INTS9: variants seen among roughly 807,000 people sequenced by gnomAD.
The protein encoded by INTS9 is protein related to CPSF subunits of 74 kDa.
In INTS9, 55 loss-of-function variants were observed where a neutral mutation model predicts 79.7. That is an observed-to-expected ratio of 0.69 (90% CI 0.56 to 0.86). The LOEUF is 0.86. Ranked by LOEUF, INTS9 falls within the 40% of genes least tolerant of loss-of-function variation. INTS9 has a pLI of 0.00. For synonymous variants in INTS9, 319 were observed against 325.2 expected (o/e 0.98, Z 0.20); for missense variants, 721 against 831.5 (o/e 0.87, Z 1.64).
At chr8:28,872,047 T>C (rs1196214476) in intron 1 of INTS9, among the ~76,000 whole-genome samples, 2 of 152,092 alleles carry the variant, frequency 1.3e-5, no homozygotes, top group Non-Finnish European at 2.9e-5. Flanking sequence ...TATACTGACA[T>C]AAAATGCCCA....
chr8:28,814,447 A>G (rs965964134), intron 6 of INTS9, among the ~76,000 whole-genome samples: 3 of 152,190 alleles, frequency 2.0e-5, no homozygotes, highest in African/African-American at 7.2e-5. Flanking sequence ...GGAAAGTTCA[A>G]TGCAAACGTT....
intron 1 of INTS9, among the ~76,000 whole-genome samples, chr8:28,888,447 T>A (rs1339552715): frequency 2.9e-5 from 1 of 33,912 alleles, no homozygotes; most frequent in African/African-American, 9.9e-5. Context: ...ATGGGGAGAC[T>A]GACGCGGCGA....
At chr8:28,857,294 G>A (rs891150001) in intron 2 of INTS9, among the ~76,000 whole-genome samples, 1 of 152,176 alleles carries the variant, frequency 6.6e-6, no homozygotes, top group African/African-American at 2.4e-5. Context: ...AGAAAGAAGG[G>A]TCACAGAGGT....
intron 4 of INTS9, among the ~76,000 whole-genome samples, chr8:28,846,360 TAC>T (rs1024536419): frequency 4.2e-5 from 2 of 47,966 alleles, no homozygotes; most frequent in Non-Finnish European, 9.7e-5. Context: ...CAAGAATTTT[TAC>T]AGTTTACTAG....
intron 1 of INTS9, among the ~76,000 whole-genome samples, chr8:28,879,607 T>A: frequency 1.3e-5 from 2 of 151,994 alleles, no homozygotes; most frequent in Non-Finnish European, 2.9e-5. Flanking sequence ...ATGGAGAAAT[T>A]GGAAATGAAA....
intron 16 of INTS9, 109 bp downstream of exon 16, chr8:28,769,780 G>T: frequency 7.2e-7 from 1 of 1,395,666 alleles, no homozygotes; most frequent in Non-Finnish European, 9.8e-7. Flanking sequence ...GGACAGTGGG[G>T]ACTAAGTGAC....
intron 2 of INTS9, among the ~76,000 whole-genome samples, chr8:28,857,246 T>C (rs1360529687): frequency 6.6e-6 from 1 of 152,152 alleles, no homozygotes; most frequent in East Asian, 1.9e-4. Context: ...CAATACATGA[T>C]GGCCAATTAG....
intron 8 of INTS9, among the ~76,000 whole-genome samples, chr8:28,806,997 G>A (rs566702096): frequency 4.6e-5 from 7 of 152,008 alleles, no homozygotes; most frequent in Non-Finnish European, 8.8e-5. Flanking sequence ...GCAGAACAAA[G>A]GATGAAAATA....
chr8:28,844,601 G>C (rs1042351093), intron 4 of INTS9, among the ~76,000 whole-genome samples: 1 of 152,174 alleles, frequency 6.6e-6, no homozygotes, highest in Admixed American at 6.5e-5. Flanking sequence ...CGAGGCAGGT[G>C]TATCACCTGA....
intron 16 of INTS9, among the ~76,000 whole-genome samples, chr8:28,769,035 T>A (rs28733175): frequency 0.033 from 5,057 of 152,154 alleles, 274 homozygotes; most frequent in African/African-American, 0.11. Context: ...TGAGGCCCAT[T>A]AACAGGGCCC....
chr8:28,790,096 G>C (rs1031555005), intron 10 of INTS9, among the ~76,000 whole-genome samples: 5 of 152,226 alleles, frequency 3.3e-5, no homozygotes, highest in Admixed American at 2.6e-4. Context: ...GTAGAAGCCA[G>C]AGCAGAACCC....
At chr8:28,830,012 C>T (rs1458946348) in intron 6 of INTS9, among the ~76,000 whole-genome samples, 2 of 150,536 alleles carry the variant, frequency 1.3e-5, no homozygotes, top group African/African-American at 2.4e-5. Context: ...CCTGTGATCC[C>T]TACTTTGGAA....
At chr8:28,770,076 G>T (rs761077188) in intron 15 of INTS9, 50 bp from the exon 16 acceptor site, 12 of 1,596,560 alleles carry the variant, frequency 7.5e-6, no homozygotes, top group Non-Finnish European at 1.0e-5. Flanking sequence ...TGAGCAGCAG[G>T]GGCCACCGCA....
At chr8:28,775,117 T>G (rs1433047542) in intron 14 of INTS9, among the ~76,000 whole-genome samples, 2 of 152,176 alleles carry the variant, frequency 1.3e-5, no homozygotes, top group Admixed American at 6.5e-5. Context: ...ATAACTGAGG[T>G]CCAGGAAGGA....
chr8:28,866,232 CTTA>C (rs1336126445), intron 1 of INTS9, among the ~76,000 whole-genome samples: 1 of 152,076 alleles, frequency 6.6e-6, no homozygotes, highest in Non-Finnish European at 1.5e-5. Flanking sequence ...TCTTGGTAGT[CTTA>C]TTATGACTAC....
chr8:28,842,145 T>A (rs1477210935), intron 4 of INTS9, among the ~76,000 whole-genome samples: 1 of 152,162 alleles, frequency 6.6e-6, no homozygotes, highest in Non-Finnish European at 1.5e-5. Flanking sequence ...ACATTTCCTA[T>A]CCATTAAGTG....
Position 28,835,349 on chromosome 8 carries a change from A to G in INTS9, c.431T>C (p.Ile144Thr), listed in dbSNP as rs768891348. Residue 144 changes from isoleucine to threonine, a missense_variant, in exon 6 of 17, where the codon ATT becomes ACT. By Grantham distance (89) the Ile-to-Thr change is moderately conservative (BLOSUM62 -1). Around this residue, in one of 3 missense-constraint regions of INTS9, gnomAD observed 291 missense variants for 307.0 expected, o/e 0.95. Transcript: ENST00000521022. ...AGACTGAGCCTTTGGCACTCTTTCA[A>G]TGAAATTCACCAGCTCTTCCATGAG... ...RLLMEELVNF[I>T]ERVPKAQSAS... 34 of 1,613,690 alleles carry G rather than the reference A, an allele frequency of 2.1e-5. No individual in the cohort carries two copies. The highest frequency in any genetic ancestry group is 2.7e-5 in the African/African-American group (2 of 74,910).
intron 11 of INTS9, chr8:28,784,072 G>A (rs1045081737): frequency 6.6e-6 from 1 of 152,196 alleles, no homozygotes; most frequent in South Asian, 2.1e-4. Context: ...TGTGGGGCAG[G>A]AATTCTGAAC....
chr8:28,811,555 G>A (rs1805146665), intron 8 of INTS9, among the ~76,000 whole-genome samples: 1 of 152,104 alleles, frequency 6.6e-6, no homozygotes, highest in African/African-American at 2.4e-5. Context: ...CTGAGTAGCT[G>A]GGACCACAGC....
Sources: allele counts gnomAD v4.1 joint callset (sites outside exome capture counted in the v4.1 genomes callset), GRCh38; gene constraint gnomAD v4.1.1; regional missense constraint gnomAD v4.1.1; transcripts MANE v1.5; gene names NCBI Gene and HGNC (gene_info 2026-07-23, HGNC 2026-07-21).